Variants in GRID1 observed in about 807,000 individuals in gnomAD.
The protein encoded by GRID1 is glutamate ionotropic receptor delta type subunit 1, also known as glutamate receptor ionotropic, delta-1.
In GRID1, 28 loss-of-function variants were observed where a neutral mutation model predicts 98.0. The ratio of observed to expected loss-of-function variants is 0.29; its 90% CI spans 0.21 to 0.39. The LOEUF (loss-of-function observed/expected upper bound fraction) is 0.39. Among genes scored for constraint, GRID1 ranks in the 10% least tolerant of loss-of-function variants. GRID1 has a pLI of 1.00. For synonymous variants in GRID1, 553 were observed against 538.5 expected, an observed-to-expected ratio of 1.03 and a Z score of -0.37; for missense variants, 1,111 against 1,340.5, an observed-to-expected ratio of 0.83 and a Z score of 2.67.
intron 3 of GRID1, among the ~76,000 whole-genome samples, chr10:86,153,686 A>C (rs771466922): frequency 6.6e-6 from 1 of 152,304 alleles, no homozygotes; most frequent in African/African-American, 2.4e-5. Flanking sequence ...TGCTAGGAGC[A>C]ACACAGATGG....
At chr10:86,321,299 G>A (rs1457676017) in intron 2 of GRID1, among the ~76,000 whole-genome samples, 1 of 152,006 alleles carries the variant, frequency 6.6e-6, no homozygotes, top group South Asian at 2.1e-4. Flanking sequence ...AATCTCTTCT[G>A]CAACAAGGTC....
intron 4 of GRID1, among the ~76,000 whole-genome samples, chr10:86,138,083 C>A (rs946296056): frequency 2.0e-5 from 3 of 152,068 alleles, no homozygotes; most frequent in Admixed American, 6.5e-5. Context: ...CCCAGCTCAC[C>A]CCCCAAAACC....
chr10:85,653,204 C>A (rs995027619), intron 12 of GRID1, among the ~76,000 whole-genome samples: 3 of 152,188 alleles, frequency 2.0e-5, no homozygotes, highest in African/African-American at 4.8e-5. Context: ...GCCTGTGGGG[C>A]ATCGTCAGCT....
chr10:85,627,990 A>T (rs559429745), intron 13 of GRID1, among the ~76,000 whole-genome samples: 1 of 152,066 alleles, frequency 6.6e-6, no homozygotes, highest in Non-Finnish European at 1.5e-5. Flanking sequence ...TGTGTGCATG[A>T]GTGTGTGCAT....
At chr10:85,828,161 T>C (rs1260322060) in intron 8 of GRID1, among the ~76,000 whole-genome samples, 1 of 152,106 alleles carries the variant, frequency 6.6e-6, no homozygotes, top group Non-Finnish European at 1.5e-5. Flanking sequence ...TTACATGGAA[T>C]TTAAACAACC....
chr10:85,817,026 C>T (rs921493685), intron 8 of GRID1, among the ~76,000 whole-genome samples: 2 of 152,116 alleles, frequency 1.3e-5, no homozygotes, highest in Admixed American at 6.5e-5. Flanking sequence ...CTGCAAAGGA[C>T]CTGATCTCAT....
chr10:86,228,322 T>C (rs1240713275), intron 2 of GRID1, among the ~76,000 whole-genome samples: 1 of 142,496 alleles, frequency 7.0e-6, no homozygotes, highest in Non-Finnish European at 1.5e-5. Flanking sequence ...GTGGGTGGGG[T>C]GAATGGGAGA....
chr10:85,720,322 A>G (rs1265938064), intron 12 of GRID1, among the ~76,000 whole-genome samples: 1 of 152,134 alleles, frequency 6.6e-6, no homozygotes, highest in Non-Finnish European at 1.5e-5. Flanking sequence ...AAAAATACAA[A>G]TGAGAAAAAA....
intron 4 of GRID1, among the ~76,000 whole-genome samples, chr10:86,021,961 T>C (rs1161550379): frequency 6.6e-6 from 1 of 152,150 alleles, no homozygotes; most frequent in African/African-American, 2.4e-5. Flanking sequence ...AGAAGTAGAA[T>C]GCAAGCTGCA....
At chr10:86,079,711 T>A (rs1843937304) in intron 4 of GRID1, among the ~76,000 whole-genome samples, 1 of 152,144 alleles carries the variant, frequency 6.6e-6, no homozygotes, top group South Asian at 2.1e-4. Context: ...AAAAAGCACC[T>A]CCATCATGCG....
chr10:85,771,438 C>T (rs1842266031), intron 8 of GRID1, among the ~76,000 whole-genome samples: 1 of 152,042 alleles, frequency 6.6e-6, no homozygotes, highest in South Asian at 2.1e-4. Context: ...AACCAGCTAA[C>T]ATCATAATGA....
chr10:86,165,662 T>C (rs933526794), intron 3 of GRID1, among the ~76,000 whole-genome samples: 1 of 152,170 alleles, frequency 6.6e-6, no homozygotes, highest in Non-Finnish European at 1.5e-5. Flanking sequence ...CCTGGGGTTC[T>C]AAGGGTTAGA....
chr10:85,766,262 G>C (rs1842196938), intron 8 of GRID1, among the ~76,000 whole-genome samples: 1 of 152,222 alleles, frequency 6.6e-6, no homozygotes, highest in South Asian at 2.1e-4. Flanking sequence ...GAGGCGTGAG[G>C]ACTGCATAAG....
intron 8 of GRID1, among the ~76,000 whole-genome samples, chr10:85,738,686 C>G (rs1841910752): frequency 6.6e-6 from 1 of 152,200 alleles, no homozygotes; most frequent in South Asian, 2.1e-4. Context: ...AAGCAACTGA[C>G]ACACACAACA....
chr10:85,885,937 C>A (rs372400010), intron 5 of GRID1, among the ~76,000 whole-genome samples: 1 of 152,242 alleles, frequency 6.6e-6, no homozygotes, highest in East Asian at 1.9e-4. Context: ...AAAGAGGAAG[C>A]TAACCAGCAG....
At chr10:86,235,639 T>C (rs903956589) in intron 2 of GRID1, among the ~76,000 whole-genome samples, 3 of 152,230 alleles carry the variant, frequency 2.0e-5, no homozygotes, top group African/African-American at 7.2e-5. Flanking sequence ...AATGGAATCA[T>C]ACAACACGTA....
At chr10:85,612,774 A>T (rs1328257355) in intron 15 of GRID1, among the ~76,000 whole-genome samples, 1 of 151,950 alleles carries the variant, frequency 6.6e-6, no homozygotes, top group Non-Finnish European at 1.5e-5. Context: ...CAGAACACAA[A>T]CCCAGTAAGA....
chr10:86,185,872 G>A (rs1438742501), intron 3 of GRID1, among the ~76,000 whole-genome samples: 1 of 152,168 alleles, frequency 6.6e-6, no homozygotes, highest in African/African-American at 2.4e-5. Context: ...TCTTATGAAG[G>A]ACATCAGTTT....
rs571598010 is a variant in GRID1, at chr10:85,696,311, A to T, written c.1997+26692T>A. On this transcript the variant is annotated intron_variant, in intron 12 of 15. Coordinates refer to ENST00000327946, the MANE Select transcript of GRID1 (RefSeq NM_017551.3). Reference sequence around the variant, plus strand: ...GTATAGGGTCTATGACATTAAAAAAAATAGAGAAAGGTGATTTAAATTAAG... The same window carrying T: ...GTATAGGGTCTATGACATTAAAAAATATAGAGAAAGGTGATTTAAATTAAG... Among the ~76,000 whole-genome samples the T allele has an allele frequency of 3.6e-4, 55 of 152,240 alleles. No individual in the cohort carries two copies. In the East Asian group the frequency reaches 6.2e-3, roughly 17 times the overall value.
Sources: allele counts gnomAD v4.1 joint callset (sites outside exome capture counted in the v4.1 genomes callset), GRCh38; gene constraint gnomAD v4.1.1; transcripts MANE v1.5; gene names NCBI Gene and HGNC (gene_info 2026-07-23, HGNC 2026-07-21).